SPIN1: variants seen among roughly 807,000 people sequenced by gnomAD.
SPIN1 encodes spindlin 1.
In SPIN1, 3 loss-of-function variants were observed where a neutral mutation model predicts 26.0. That is an observed-to-expected ratio of 0.12 (90% CI 0.05 to 0.30). The LOEUF is 0.30. Among genes scored for constraint, SPIN1 ranks in the 10% least tolerant of loss-of-function variants. SPIN1 has a pLI of 1.00. For missense variants in SPIN1, 126 were observed against 333.4 expected (o/e 0.38, Z 4.84); for synonymous variants, 101 against 116.5 (o/e 0.87, Z 0.86).
chr9:88,406,040 TGTAC>T (rs1160819596), intron 1 of SPIN1, among the ~76,000 whole-genome samples: 79 of 147,038 alleles, frequency 5.4e-4, no homozygotes, highest in Non-Finnish European at 9.5e-4. Flanking sequence ...TGTGTGTGTG[TGTAC>T]GTGTACGTGT....
intron 1 of SPIN1, among the ~76,000 whole-genome samples, chr9:88,425,300 C>T (rs1392116955): frequency 6.6e-6 from 1 of 152,056 alleles, no homozygotes. Context: ...TCCTGATAGC[C>T]TTCATCTTAG....
intron 1 of SPIN1, among the ~76,000 whole-genome samples, chr9:88,393,593 C>T (rs902998166): frequency 3.3e-5 from 5 of 150,238 alleles, no homozygotes; most frequent in Admixed American, 6.7e-5. Context: ...ATAGCTGGGT[C>T]TACAGGCATG....
intron 2 of SPIN1, among the ~76,000 whole-genome samples, chr9:88,442,411 CTT>C (rs112471036): frequency 2.8e-5 from 4 of 142,108 alleles, no homozygotes; most frequent in Middle Eastern, 3.3e-3. Context: ...TTTTTCTTTC[CTT>C]TTTTTTTTTT....
intron 2 of SPIN1, among the ~76,000 whole-genome samples, chr9:88,446,415 T>G (rs1477332953): frequency 1.3e-5 from 2 of 151,580 alleles, no homozygotes; most frequent in East Asian, 1.9e-4. Context: ...GCTGTTTTTT[T>G]TTTTTTTTTT....
At chr9:88,475,043 CTCTCTTTTTTT>C (rs1235546229) in intron 5 of SPIN1, 24 bp from the exon 6 acceptor site, 4 of 1,320,704 alleles carry the variant, frequency 3.0e-6, no homozygotes, top group Non-Finnish European at 4.0e-6. Flanking sequence ...TTTTCTCTCT[CTCTCTTTTTTT>C]TTTTTTTTTT....
chr9:88,428,804 C>A (rs572476104), intron 2 of SPIN1, among the ~76,000 whole-genome samples: 1 of 151,830 alleles, frequency 6.6e-6, no homozygotes, highest in African/African-American at 2.4e-5. Context: ...CATAAGAGTC[C>A]GTGAGGTTAT....
At chr9:88,444,490 G>A (rs539710864) in intron 2 of SPIN1, among the ~76,000 whole-genome samples, 1 of 151,896 alleles carries the variant, frequency 6.6e-6, no homozygotes, top group South Asian at 2.1e-4. Context: ...TGATCCACCC[G>A]CCTCAGCCTC....
chr9:88,393,372 T>C (rs1175364391), intron 1 of SPIN1, among the ~76,000 whole-genome samples: 1 of 151,444 alleles, frequency 6.6e-6, no homozygotes. Flanking sequence ...TCATATCATA[T>C]ATTTGAATTA....
chr9:88,424,434 G>T (rs1361061225), intron 1 of SPIN1, among the ~76,000 whole-genome samples: 1 of 152,138 alleles, frequency 6.6e-6, no homozygotes, highest in Non-Finnish European at 1.5e-5. Context: ...TTGGGTTAGG[G>T]TTTTGCCATA....
intron 5 of SPIN1, among the ~76,000 whole-genome samples, chr9:88,471,674 A>G (rs1007489565): frequency 7.3e-5 from 11 of 151,280 alleles, no homozygotes; most frequent in Admixed American, 4.6e-4. Flanking sequence ...AAAAAAAAAA[A>G]AAAAAGAAAA....
chr9:88,408,970 T>TAC (rs1347386181), intron 1 of SPIN1, among the ~76,000 whole-genome samples: 1 of 132,958 alleles, frequency 7.5e-6, no homozygotes, highest in Admixed American at 7.1e-5. Context: ...CCCTTTTGTG[T>TAC]TTGTGTGTGT....
chr9:88,455,720 C>G (rs967202593), intron 3 of SPIN1, among the ~76,000 whole-genome samples: 4 of 152,118 alleles, frequency 2.6e-5, no homozygotes, highest in African/African-American at 9.7e-5. Flanking sequence ...GTTCATACTT[C>G]TAATCCCAGC....
chr9:88,460,025 T>A (rs899485735), intron 3 of SPIN1, among the ~76,000 whole-genome samples: 5 of 152,230 alleles, frequency 3.3e-5, no homozygotes, highest in African/African-American at 1.2e-4. Context: ...TTATTTTCTT[T>A]AAAATTCGTT....
At chr9:88,400,957 G>A (rs1162989254) in intron 1 of SPIN1, among the ~76,000 whole-genome samples, 2 of 152,172 alleles carry the variant, frequency 1.3e-5, no homozygotes, top group Non-Finnish European at 2.9e-5. Flanking sequence ...AGGCTGCGGT[G>A]AGCCATGATC....
Position 88,403,725 on chromosome 9 carries a change from A to G in SPIN1, c.-159+15187A>G, listed in dbSNP as rs556110108. Reference sequence around the variant, plus strand: ...AAGATCCTGTCTTCAAAGCGGGGGAAAAAAAAGAAAACCACTATTAAGTGT... The same window carrying G: ...AAGATCCTGTCTTCAAAGCGGGGGAGAAAAAAGAAAACCACTATTAAGTGT... On this transcript the variant is annotated intron_variant, in intron 1 of 5. Coordinates refer to ENST00000375859, the MANE Select transcript of SPIN1 (RefSeq NM_006717.3). Among the ~76,000 whole-genome samples the G allele has an allele frequency of 7.9e-5, 12 of 152,234 alleles. No individual in the cohort carries two copies. The South Asian group carries it at 1.5e-3, about 18-fold the overall frequency.
chr9:88,427,855 T>C (rs1827793144), intron 2 of SPIN1, among the ~76,000 whole-genome samples: 1 of 152,122 alleles, frequency 6.6e-6, no homozygotes, highest in Admixed American at 6.6e-5. Flanking sequence ...CGCGTCAGCC[T>C]CCCAAAGTGC....
chr9:88,407,345 A>G (rs1827332446), intron 1 of SPIN1, among the ~76,000 whole-genome samples: 1 of 151,762 alleles, frequency 6.6e-6, no homozygotes, highest in Non-Finnish European at 1.5e-5. Flanking sequence ...GGGTTTTGCC[A>G]TATTGCCCAG....
intron 3 of SPIN1, among the ~76,000 whole-genome samples, chr9:88,460,606 T>C (rs1353058438): frequency 1.3e-5 from 2 of 152,138 alleles, no homozygotes; most frequent in African/African-American, 4.8e-5. Flanking sequence ...ATTCTGCAGG[T>C]CTAGAACCAG....
At chr9:88,390,185 A>C (rs11142276) in intron 1 of SPIN1, among the ~76,000 whole-genome samples, 1 of 152,096 alleles carries the variant, frequency 6.6e-6, no homozygotes, top group Non-Finnish European at 1.5e-5. Context: ...TCATCTTTCT[A>C]TGCCTGAAAT....
Sources: allele counts gnomAD v4.1 joint callset (sites outside exome capture counted in the v4.1 genomes callset), GRCh38; gene constraint gnomAD v4.1.1; transcripts MANE v1.5; gene names NCBI Gene and HGNC (gene_info 2026-07-23, HGNC 2026-07-21).